CNTNAP2: variants seen among roughly 807,000 people sequenced by gnomAD.
CNTNAP2 encodes the protein contactin associated protein 2.
A neutral mutation model predicts 155.2 loss-of-function variants in CNTNAP2; 98 were observed. The ratio of observed to expected loss-of-function variants is 0.63; its 90% CI spans 0.54 to 0.75. CNTNAP2 has a LOEUF of 0.75. Ranked by LOEUF, CNTNAP2 falls within the 30% of genes least tolerant of loss-of-function variation. CNTNAP2 has a pLI of 0.00. For synonymous variants in CNTNAP2, 651 were observed against 631.2 expected, an observed-to-expected ratio of 1.03 and a Z score of -0.47; for missense variants, 1,727 against 1,688.1, an observed-to-expected ratio of 1.02 and a Z score of -0.40.
At chr7:147,197,180 TG>T (rs1244240646) in intron 8 of CNTNAP2, among the ~76,000 whole-genome samples, 1 of 152,088 alleles carries the variant, frequency 6.6e-6, no homozygotes, top group East Asian at 1.9e-4. Flanking sequence ...AGCCTCTGAT[TG>T]GTTGCTTTCC....
At chr7:147,258,138 ATCAC>A (rs1441339741) in intron 8 of CNTNAP2, among the ~76,000 whole-genome samples, 7 of 152,220 alleles carry the variant, frequency 4.6e-5, no homozygotes, top group Admixed American at 4.6e-4. Flanking sequence ...TGTTGGTGAA[ATCAC>A]TCAATCATCA....
chr7:146,397,153 C>T (rs959514949), intron 1 of CNTNAP2, among the ~76,000 whole-genome samples: 1 of 152,166 alleles, frequency 6.6e-6, no homozygotes, highest in Admixed American at 6.5e-5. Flanking sequence ...ATTTTAGACC[C>T]AGTGGCTTTA....
intron 21 of CNTNAP2, among the ~76,000 whole-genome samples, chr7:148,358,580 C>T (rs1042368967): frequency 1.1e-4 from 17 of 152,160 alleles, no homozygotes; most frequent in Admixed American, 3.9e-4. Context: ...CTGTAGAAAC[C>T]GCAATTAGGG....
intron 3 of CNTNAP2, among the ~76,000 whole-genome samples, chr7:146,998,060 A>G (rs1187412343): frequency 6.6e-6 from 1 of 150,872 alleles, no homozygotes; most frequent in African/African-American, 2.4e-5. Flanking sequence ...TATCTTTATT[A>G]TTTCCTCCCT....
At chr7:146,467,619 T>C (rs1796734847) in intron 1 of CNTNAP2, among the ~76,000 whole-genome samples, 1 of 152,152 alleles carries the variant, frequency 6.6e-6, no homozygotes, top group Admixed American at 6.5e-5. Context: ...ATTTCTATGA[T>C]GGATAAGAAT....
chr7:147,879,105 T>G (rs1213397972), intron 13 of CNTNAP2, among the ~76,000 whole-genome samples: 1 of 152,206 alleles, frequency 6.6e-6, no homozygotes, highest in Non-Finnish European at 1.5e-5. Flanking sequence ...CCTTATACAA[T>G]GTATGGTACA....
At chr7:148,345,706 C>A (rs905539879) in intron 21 of CNTNAP2, among the ~76,000 whole-genome samples, 1 of 152,058 alleles carries the variant, frequency 6.6e-6, no homozygotes, top group African/African-American at 2.4e-5. Flanking sequence ...TAAAGAGAAA[C>A]TGGACAACTG....
At chr7:146,566,008 G>A (rs1190819321) in intron 1 of CNTNAP2, among the ~76,000 whole-genome samples, 2 of 152,120 alleles carry the variant, frequency 1.3e-5, no homozygotes, top group African/African-American at 4.8e-5. Flanking sequence ...ATATTCACCG[G>A]CAGATCACAC....
intron 18 of CNTNAP2, among the ~76,000 whole-genome samples, chr7:148,182,381 C>T (rs1047645319): frequency 6.4e-5 from 9 of 139,612 alleles, no homozygotes; most frequent in African/African-American, 1.3e-4. Flanking sequence ...CATTCACCAA[C>T]GTCCACGCTG....
At chr7:146,287,363 G>A (rs1009361626) in intron 1 of CNTNAP2, among the ~76,000 whole-genome samples, 10 of 152,150 alleles carry the variant, frequency 6.6e-5, no homozygotes, top group African/African-American at 2.4e-4. Flanking sequence ...CTTGCTTGGC[G>A]AATATTGAGG....
At chr7:146,610,210 G>T (rs377316273) in intron 1 of CNTNAP2, among the ~76,000 whole-genome samples, 19 of 152,256 alleles carry the variant, frequency 1.2e-4, no homozygotes, top group African/African-American at 4.1e-4. Flanking sequence ...GATTTGCCTA[G>T]CCAGTCACAC....
chr7:147,143,705 G>C (rs560363341), intron 8 of CNTNAP2, among the ~76,000 whole-genome samples: 91 of 152,234 alleles, frequency 6.0e-4, no homozygotes, highest in Admixed American at 1.5e-3. Flanking sequence ...TTGCTTCACT[G>C]TGGGAGGCTA....
At chr7:147,195,437 G>GT (rs36159402) in intron 8 of CNTNAP2, among the ~76,000 whole-genome samples, 43 of 151,298 alleles carry the variant, frequency 2.8e-4, no homozygotes, top group Admixed American at 1.5e-3. Context: ...ATTTAAAATA[G>GT]TTTTTTTTTC....
intron 3 of CNTNAP2, among the ~76,000 whole-genome samples, chr7:146,940,698 C>T (rs183215160): frequency 5.9e-4 from 85 of 143,046 alleles, no homozygotes; most frequent in Middle Eastern, 3.5e-3. Context: ...TATATATATA[C>T]ACACACACAC....
chr7:147,867,650 T>C (rs1799257238), intron 13 of CNTNAP2, among the ~76,000 whole-genome samples: 1 of 152,198 alleles, frequency 6.6e-6, no homozygotes, highest in Non-Finnish European at 1.5e-5. Context: ...TTCATTTCTT[T>C]TTACTCTCTT....
chr7:146,375,149 T>C (rs1795287791), intron 1 of CNTNAP2, among the ~76,000 whole-genome samples: 1 of 152,246 alleles, frequency 6.6e-6, no homozygotes, highest in Non-Finnish European at 1.5e-5. Context: ...ACTGTTTCAA[T>C]AAACAATACA....
chr7:146,543,749 A>G (rs929763816), intron 1 of CNTNAP2, among the ~76,000 whole-genome samples: 3 of 151,946 alleles, frequency 2.0e-5, no homozygotes, highest in South Asian at 2.1e-4. Flanking sequence ...CAACTAAACT[A>G]TAAACTTCAA....
At chr7:148,159,699 T>C (rs1391403588) in intron 17 of CNTNAP2, among the ~76,000 whole-genome samples, 1 of 152,146 alleles carries the variant, frequency 6.6e-6, no homozygotes, top group Non-Finnish European at 1.5e-5. Context: ...TCATAGAGTA[T>C]GTGTGTACCT....
At chr7:147,580,840 T>A (rs1442868414) in intron 12 of CNTNAP2, among the ~76,000 whole-genome samples, 1 of 152,174 alleles carries the variant, frequency 6.6e-6, no homozygotes, top group African/African-American at 2.4e-5. Context: ...GGTCTCGAAC[T>A]TCTGACCTCA....
Sources: allele counts gnomAD v4.1 joint callset (sites outside exome capture counted in the v4.1 genomes callset), GRCh38; gene constraint gnomAD v4.1.1; transcripts MANE v1.5; gene names NCBI Gene and HGNC (gene_info 2026-07-23, HGNC 2026-07-21).